Variants in NOTCH2NLC observed in about 807,000 individuals in gnomAD.
NOTCH2NLC encodes notch 2 N-terminal like C, also known as notch homolog 2 N-terminal-like protein C.
NOTCH2NLC carries 4 observed loss-of-function variants against 17.7 expected under a neutral mutation model. The ratio of observed to expected loss-of-function variants is 0.23; its 90% CI spans 0.11 to 0.52. NOTCH2NLC has a LOEUF of 0.52. NOTCH2NLC is among the 20% of genes least tolerant of loss of function. The pLI is 0.96. For missense variants in NOTCH2NLC, 57 were observed against 207.2 expected (o/e 0.28, Z 4.45); for synonymous variants, 18 against 86.0 (o/e 0.21, Z 4.38).
intron 1 of NOTCH2NLC, among the ~76,000 whole-genome samples, chr1:149,427,492 CTTTTTTTTTTTTT>C (rs1171198772): frequency 1.1e-5 from 1 of 87,316 alleles, no homozygotes; most frequent in Admixed American, 1.4e-4. Context: ...TCTACCACAG[CTTTTTTTTTTTTT>C]TTTTTTTTTT....
chr1:149,419,783 G>T (rs2084368257), intron 1 of NOTCH2NLC, among the ~76,000 whole-genome samples: 1 of 144,588 alleles, frequency 6.9e-6, no homozygotes, highest in African/African-American at 2.6e-5. Context: ...GGACATAGTT[G>T]TATGTCTGAA....
At chr1:149,394,580 T>C (rs2084194717) in intron 1 of NOTCH2NLC, among the ~76,000 whole-genome samples, 27 of 151,122 alleles carry the variant, frequency 1.8e-4, no homozygotes. Context: ...ATGTCATTCA[T>C]ACATGTTGTT....
At position 149,395,832 on chromosome 1, in the gene NOTCH2NLC, CAA is replaced by C. The variant is rs1323128913; in HGVS notation, c.135+4911_135+4912del. ...TATATTTGCTTTTTTTTTTTTGAAC[CAA>C]GAGAGTCCCCTGAACACCCTGCTGA... On this transcript the variant is annotated intron_variant, in intron 1 of 4. Coordinates refer to ENST00000650865, the MANE Select transcript of NOTCH2NLC (RefSeq NM_001364013.2). Among the ~76,000 whole-genome samples the C allele has an allele frequency of 1.1e-4, 16 of 146,488 alleles. 2 individuals are homozygous for C. Among genetic ancestry groups the C allele is most frequent in the Non-Finnish European group, 2.4e-4 (16 of 66,388 alleles).
At position 149,432,690 on chromosome 1, in the gene NOTCH2NLC, G is replaced by C. The variant is rs1416786115; in HGVS notation, c.209+1675G>C. 5.3e-5 allele frequency among the ~76,000 whole-genome samples: 8 copies of C among 149,832 alleles called. 1 individual carries two copies. The highest frequency in any genetic ancestry group is 1.3e-4 in the Admixed American group (2 of 14,994). Reference sequence around the variant, plus strand: ...TGTGTTTCTTTTGCTAGAATGTGAGGTCTTAGTCTTATGCATTTTTTGCAT... The same window carrying C: ...TGTGTTTCTTTTGCTAGAATGTGAGCTCTTAGTCTTATGCATTTTTTGCAT... On this transcript the variant is annotated intron_variant, in intron 2 of 4. Coordinates refer to ENST00000650865, the MANE Select transcript of NOTCH2NLC (RefSeq NM_001364013.2).
rs1353438009 is a variant in NOTCH2NLC at position 149,423,942 on chromosome 1, C to A, written c.136-7000C>A. Among the ~76,000 whole-genome samples, 179 of 149,948 alleles carry A rather than the reference C, an allele frequency of 1.2e-3. 1 individual carries two copies. Among genetic ancestry groups the A allele is most frequent in the Middle Eastern group, 0.01 (3 of 288 alleles). On this transcript the variant is annotated intron_variant, in intron 1 of 4. Coordinates refer to ENST00000650865, the MANE Select transcript of NOTCH2NLC (RefSeq NM_001364013.2). ...CACATTGAAGGCTGCTCAGATTACACTGGCTGAAGTACAGACTTAATTACT... is the reference window on the plus strand; with the variant it reads ...CACATTGAAGGCTGCTCAGATTACAATGGCTGAAGTACAGACTTAATTACT...
chr1:149,432,467 A>G (rs2084456708), intron 2 of NOTCH2NLC, among the ~76,000 whole-genome samples: 2 of 150,394 alleles, frequency 1.3e-5, no homozygotes, highest in Admixed American at 1.3e-4. Context: ...TAGCTGGAGG[A>G]AAAAAAAACA....
At chr1:149,400,137 A>AT (rs2084235400) in intron 1 of NOTCH2NLC, among the ~76,000 whole-genome samples, 2 of 141,414 alleles carry the variant, frequency 1.4e-5, no homozygotes, top group African/African-American at 2.6e-5. Flanking sequence ...TATATAATAT[A>AT]TATTTTTTTT....
rs2084708700 is a variant in NOTCH2NLC at position 149,470,233 on chromosome 1, C to G, written c.*6080C>G. Among the ~76,000 whole-genome samples, 2 of 151,176 alleles carry G rather than the reference C, an allele frequency of 1.3e-5. 1 individual carries two copies. The highest frequency in any genetic ancestry group is 3.0e-5 in the Non-Finnish European group (2 of 67,622). On this transcript the variant is annotated 3_prime_UTR_variant, in exon 5 of 5. Coordinates refer to ENST00000650865, the MANE Select transcript of NOTCH2NLC (RefSeq NM_001364013.2). ...ATAAAAGGATTAGAGCAGACAATCT[C>G]TAACAAATGCTATAATACCACTGAC...
rs1206981162 is a variant in NOTCH2NLC, at chr1:149,404,522, C to T, written c.135+13600C>T. 4.7e-5 allele frequency among the ~76,000 whole-genome samples: 7 copies of T among 149,856 alleles called. No homozygotes were observed. The East Asian group carries it at 1.4e-3, about 30-fold the overall frequency. On this transcript the variant is annotated intron_variant, in intron 1 of 4. Transcript: ENST00000650865. ...AGTGATTTTTCCACTATGCTCAGTA[C>T]TCAAATTATGTATCAATATGTCGGC...
chr1:149,424,608 C>T (rs1185097038), intron 1 of NOTCH2NLC, among the ~76,000 whole-genome samples: 1 of 150,664 alleles, frequency 6.6e-6, no homozygotes, highest in Non-Finnish European at 1.5e-5. Context: ...TGGATCACTT[C>T]TCCTTATGCC....
chr1:149,399,958 T>G (rs2084233513), intron 1 of NOTCH2NLC, among the ~76,000 whole-genome samples: 1 of 150,000 alleles, frequency 6.7e-6, no homozygotes, highest in Admixed American at 6.7e-5. Flanking sequence ...TTTATTTTTG[T>G]AATATAAAAA....
intron 2 of NOTCH2NLC, among the ~76,000 whole-genome samples, chr1:149,450,193 C>A (rs1360028822): frequency 1.4e-5 from 2 of 147,314 alleles, no homozygotes; most frequent in Non-Finnish European, 3.0e-5. Context: ...CAGTGGAATC[C>A]ACCACATTGA....
intron 1 of NOTCH2NLC, among the ~76,000 whole-genome samples, chr1:149,402,007 C>T (rs2084249082): frequency 7.1e-6 from 1 of 141,006 alleles, no homozygotes; most frequent in Non-Finnish European, 1.6e-5. Context: ...CTCACAGGGG[C>T]TAGGTGACTT....
At chr1:149,418,923 G>A (rs1253751358) in intron 1 of NOTCH2NLC, among the ~76,000 whole-genome samples, 3 of 150,842 alleles carry the variant, frequency 2.0e-5, no homozygotes, top group African/African-American at 2.4e-5. Flanking sequence ...TCATTCGCTC[G>A]CTCGCTTGCT....
chr1:149,420,064 G>A (rs1349686807), intron 1 of NOTCH2NLC, among the ~76,000 whole-genome samples: 3 of 148,434 alleles, frequency 2.0e-5, no homozygotes, highest in African/African-American at 7.4e-5. Flanking sequence ...TAGAGATGGG[G>A]TTTCACCGTG....
intron 1 of NOTCH2NLC, among the ~76,000 whole-genome samples, chr1:149,414,774 G>A (rs1302871057): frequency 1.3e-5 from 2 of 150,534 alleles, no homozygotes; most frequent in African/African-American, 2.4e-5. Flanking sequence ...GGTCCAGAAT[G>A]TAAATTGAAG....
chr1:149,413,289 C>G (rs1323827208), intron 1 of NOTCH2NLC, among the ~76,000 whole-genome samples: 1 of 150,980 alleles, frequency 6.6e-6, no homozygotes, highest in Non-Finnish European at 1.5e-5. Context: ...CTGGAAATGC[C>G]TGGGAATTGA....
intron 1 of NOTCH2NLC, among the ~76,000 whole-genome samples, chr1:149,393,618 C>T (rs1381866302): frequency 5.4e-5 from 8 of 147,504 alleles, no homozygotes; most frequent in African/African-American, 2.0e-4. Flanking sequence ...GGAAGTGACT[C>T]CCTGATTTTG....
chr1:149,413,846 T>TG (rs1364860827), intron 1 of NOTCH2NLC, among the ~76,000 whole-genome samples: 4 of 151,118 alleles, frequency 2.6e-5, no homozygotes, highest in African/African-American at 7.3e-5. Context: ...TTCAGCATGG[T>TG]GAGGTGATGA....
Sources: gnomAD v4.1 joint callset for allele counts (sites outside exome capture counted in the v4.1 genomes callset) on GRCh38, gnomAD v4.1.1 for gene constraint, MANE v1.5 for transcripts, NCBI Gene and HGNC (gene_info 2026-07-23, HGNC 2026-07-21) for gene names.